AGBL1: variants seen among roughly 807,000 people sequenced by gnomAD.
The protein encoded by AGBL1 is cytosolic carboxypeptidase 4.
A neutral mutation model predicts 118.9 loss-of-function variants in AGBL1; 130 were observed. That is an observed-to-expected ratio of 1.09 (90% CI 0.95 to 1.26). AGBL1 has a LOEUF of 1.26. Among genes scored for constraint, AGBL1 ranks in the 50% most tolerant of loss-of-function variants. The pLI is 0.00. For synonymous variants in AGBL1, 555 were observed against 478.9 expected (o/e 1.16, Z -2.08); for missense variants, 1,584 against 1,298.1 (o/e 1.22, Z -3.38).
intron 22 of AGBL1, among the ~76,000 whole-genome samples, chr15:86,712,236 AAAAC>A (rs1045991955): frequency 1.1e-4 from 17 of 149,726 alleles, no homozygotes; most frequent in African/African-American, 3.8e-4. Flanking sequence ...AGAAATAATT[AAAAC>A]AAACAAAGCA....
intron 5 of AGBL1, among the ~76,000 whole-genome samples, chr15:86,160,099 G>GT (rs1162570173): frequency 0.18 from 19,683 of 110,232 alleles, 1,978 homozygotes; most frequent in Middle Eastern, 0.28. Flanking sequence ...GGGAACTGTG[G>GT]TTTTTTTTTT....
chr15:86,813,934 C>G lies in AGBL1; in HGVS notation c.3159-93153C>G, dbSNP rs1377090. On this transcript the variant is annotated intron_variant, in intron 22 of 22. Coordinates refer to ENST00000614907, the MANE Select transcript of AGBL1 (RefSeq NM_001386094.1). ...ACATAGAATTGACCCTGAACCCTGA[C>G]TAGAAGTGAGTAGATACCAGGTTTA... Among the ~76,000 whole-genome samples the G allele has an allele frequency of 8.0e-3, 1,212 of 152,276 alleles. 78 individuals are homozygous for G. The East Asian group carries it at 0.17, about 22-fold the overall frequency.
At chr15:86,561,399 A>G (rs2083818175) in intron 21 of AGBL1, among the ~76,000 whole-genome samples, 3 of 152,204 alleles carry the variant, frequency 2.0e-5, no homozygotes, top group Admixed American at 1.3e-4. Context: ...TCCCAGCACC[A>G]TTTATTAAAT....
chr15:86,921,237 A>G (rs1040708160), intron 23 of AGBL1, among the ~76,000 whole-genome samples: 11 of 152,190 alleles, frequency 7.2e-5, no homozygotes, highest in African/African-American at 2.7e-4. Flanking sequence ...TTGGGGGTCA[A>G]CAGAAAGGAA....
chr15:86,172,054 G>T (rs2077423706), intron 5 of AGBL1, among the ~76,000 whole-genome samples: 1 of 152,186 alleles, frequency 6.6e-6, no homozygotes, highest in Non-Finnish European at 1.5e-5. Flanking sequence ...GGTGGGAGGA[G>T]TGTAAGGGAT....
At chr15:86,238,603 A>G (rs1382240284) in intron 6 of AGBL1, among the ~76,000 whole-genome samples, 4 of 152,174 alleles carry the variant, frequency 2.6e-5, no homozygotes, top group African/African-American at 9.7e-5. Flanking sequence ...GCCATTTTTT[A>G]TGTGCCACTG....
intron 5 of AGBL1, among the ~76,000 whole-genome samples, chr15:86,183,307 T>C (rs920067146): frequency 3.9e-5 from 6 of 152,208 alleles, no homozygotes; most frequent in African/African-American, 1.4e-4. Context: ...TATCAGTAAG[T>C]TTTTTAATTC....
chr15:86,769,995 G>T (rs1295404695), intron 22 of AGBL1, among the ~76,000 whole-genome samples: 1 of 151,894 alleles, frequency 6.6e-6, no homozygotes, highest in Non-Finnish European at 1.5e-5. Flanking sequence ...CCAATTTAAA[G>T]GCTCTTACTT....
chr15:86,320,929 C>G (rs1271484328), intron 17 of AGBL1, among the ~76,000 whole-genome samples: 1 of 152,088 alleles, frequency 6.6e-6, no homozygotes, highest in Non-Finnish European at 1.5e-5. Flanking sequence ...TTAAACTGTG[C>G]ATGCAGTTCT....
At chr15:86,500,239 G>A (rs1207498137) in intron 18 of AGBL1, among the ~76,000 whole-genome samples, 2 of 151,836 alleles carry the variant, frequency 1.3e-5, no homozygotes, top group Non-Finnish European at 2.9e-5. Flanking sequence ...CAGGTTTGTG[G>A]AGGGAGTCTT....
chr15:86,969,522 C>T (rs189446978), intron 23 of AGBL1, among the ~76,000 whole-genome samples: 22 of 151,904 alleles, frequency 1.4e-4, no homozygotes, highest in African/African-American at 4.6e-4. Context: ...TATGCACATA[C>T]GCATAGGCAA....
intron 21 of AGBL1, among the ~76,000 whole-genome samples, chr15:86,607,948 AT>A (rs2084601063): frequency 6.6e-6 from 1 of 152,152 alleles, no homozygotes; most frequent in African/African-American, 2.4e-5. Flanking sequence ...ATTTGAGATG[AT>A]ATCTATAAAC....
At chr15:86,979,493 T>C (rs1260812093) in intron 23 of AGBL1, among the ~76,000 whole-genome samples, 1 of 151,252 alleles carries the variant, frequency 6.6e-6, no homozygotes, top group Non-Finnish European at 1.5e-5. Flanking sequence ...TTCTTTCTTT[T>C]TTTTGGCGGG....
intron 17 of AGBL1, among the ~76,000 whole-genome samples, chr15:86,308,898 G>C (rs2079880131): frequency 6.6e-6 from 1 of 152,090 alleles, no homozygotes; most frequent in African/African-American, 2.4e-5. Context: ...GATTGCTTTG[G>C]CTATTTGGGA....
At chr15:86,532,939 A>T (rs1277625046) in intron 19 of AGBL1, among the ~76,000 whole-genome samples, 41 of 90,038 alleles carry the variant, frequency 4.6e-4, no homozygotes, top group African/African-American at 2.2e-3. Context: ...TCCCTTCCTT[A>T]CACCTTATAC....
chr15:87,012,619 C>CTT (rs747722883), intron 24 of AGBL1, among the ~76,000 whole-genome samples: 22 of 152,076 alleles, frequency 1.4e-4, no homozygotes, highest in Non-Finnish European at 2.9e-4. Context: ...GTATCCTGCC[C>CTT]TTTCCTCTAT....
chr15:86,739,327 C>T (rs2077643923), intron 22 of AGBL1, among the ~76,000 whole-genome samples: 1 of 151,232 alleles, frequency 6.6e-6, no homozygotes, highest in African/African-American at 2.4e-5. Context: ...CCTGTAATCC[C>T]AGCTACTCAA....
intron 19 of AGBL1, among the ~76,000 whole-genome samples, chr15:86,523,164 GT>G (rs2083212864): frequency 1.3e-5 from 2 of 152,220 alleles, no homozygotes; most frequent in Admixed American, 1.3e-4. Context: ...ATTTCTGGAG[GT>G]GTGAGTCTGG....
At chr15:86,854,642 A>G (rs1158019008) in intron 22 of AGBL1, among the ~76,000 whole-genome samples, 4 of 152,162 alleles carry the variant, frequency 2.6e-5, no homozygotes, top group Admixed American at 2.6e-4. Flanking sequence ...GACTAGAAAC[A>G]TTCTAAGGGT....
Sources: gnomAD v4.1 joint callset for allele counts (sites outside exome capture counted in the v4.1 genomes callset) on GRCh38, gnomAD v4.1.1 for gene constraint, MANE v1.5 for transcripts, NCBI Gene and HGNC (gene_info 2026-07-23, HGNC 2026-07-21) for gene names.